Variants in LTBP1 observed in about 807,000 individuals in gnomAD.
LTBP1 encodes the protein latent-transforming growth factor beta-binding protein 1.
A neutral mutation model predicts 207.6 loss-of-function variants in LTBP1; 129 were observed. That is an observed-to-expected ratio of 0.62 (90% CI 0.54 to 0.72). The LOEUF (loss-of-function observed/expected upper bound fraction) is 0.72, where lower values mean the gene tolerates loss of function less well. LTBP1 is among the 30% of genes least tolerant of loss of function. The probability of loss-of-function intolerance (pLI) is 0.00; values close to 1 mark genes in which losing one functional copy is unlikely to be tolerated. For missense variants in LTBP1, 2,281 were observed against 2,217.2 expected (o/e 1.03, Z -0.58); for synonymous variants, 963 against 833.7 (o/e 1.16, Z -2.67).
At chr2:33,246,620 G>A (rs182701030) in intron 10 of LTBP1, among the ~76,000 whole-genome samples, 61 of 152,260 alleles carry the variant, frequency 4.0e-4, no homozygotes, top group Admixed American at 4.0e-3. Flanking sequence ...AGGACAGCAT[G>A]AATTTAGGCC....
chr2:33,266,524 C>T (rs551455937), intron 15 of LTBP1, among the ~76,000 whole-genome samples: 1 of 152,072 alleles, frequency 6.6e-6, no homozygotes, highest in East Asian at 1.9e-4. Context: ...AAGACTTCAT[C>T]GATAACAGTT....
intron 31 of LTBP1, among the ~76,000 whole-genome samples, chr2:33,383,335 A>AGAGC (rs1199149584): frequency 6.6e-6 from 1 of 152,230 alleles, no homozygotes; most frequent in Non-Finnish European, 1.5e-5. Flanking sequence ...CCTGGGTGAC[A>AGAGC]GAGCGAGACT....
At chr2:33,137,980 C>T (rs1441345787) in intron 5 of LTBP1, among the ~76,000 whole-genome samples, 1 of 152,186 alleles carries the variant, frequency 6.6e-6, no homozygotes, top group Non-Finnish European at 1.5e-5. Flanking sequence ...GAGAAAGCAA[C>T]TGAGAGTCCA....
chr2:33,246,966 A>G (rs1371141770), intron 10 of LTBP1, among the ~76,000 whole-genome samples: 1 of 152,156 alleles, frequency 6.6e-6, no homozygotes, highest in East Asian at 1.9e-4. Flanking sequence ...TTTCAGAGCA[A>G]ATTCAAGAAA....
intron 11 of LTBP1, among the ~76,000 whole-genome samples, chr2:33,254,284 G>A (rs1387823861): frequency 2.0e-5 from 3 of 151,950 alleles, no homozygotes; most frequent in Admixed American, 6.6e-5. Flanking sequence ...ATTATTTTGT[G>A]TCTGTATAAT....
chr2:33,225,267 T>A (rs2091368720), intron 9 of LTBP1, among the ~76,000 whole-genome samples: 1 of 152,232 alleles, frequency 6.6e-6, no homozygotes, highest in African/African-American at 2.4e-5. Flanking sequence ...ATTCAGTGTA[T>A]CTTCCTTCTA....
intron 2 of LTBP1, among the ~76,000 whole-genome samples, chr2:32,991,852 T>A (rs1465823476): frequency 6.6e-6 from 1 of 152,212 alleles, no homozygotes; most frequent in Non-Finnish European, 1.5e-5. Context: ...CACTCCCTCA[T>A]GACCAATCCT....
intron 19 of LTBP1, among the ~76,000 whole-genome samples, chr2:33,290,473 A>G (rs1258037800): frequency 6.6e-6 from 1 of 152,256 alleles, no homozygotes; most frequent in African/African-American, 2.4e-5. Context: ...GAAGGTTTTT[A>G]AAGTAGAGGA....
intron 2 of LTBP1, among the ~76,000 whole-genome samples, chr2:32,990,267 C>T (rs773800564): frequency 5.3e-5 from 8 of 152,218 alleles, no homozygotes; most frequent in Non-Finnish European, 1.2e-4. Flanking sequence ...TACTGGATAT[C>T]GTCATGGTCT....
At chr2:33,186,012 C>T (rs1032366571) in intron 5 of LTBP1, among the ~76,000 whole-genome samples, 5 of 152,196 alleles carry the variant, frequency 3.3e-5, no homozygotes, top group African/African-American at 1.2e-4. Flanking sequence ...AGAGTTATAA[C>T]TCCTCTTAAA....
rs1340416607 is a variant in LTBP1, at chr2:33,360,640, A to G, written c.4044A>G (p.Glu1348=). The change falls in exon 27 of 34, where the codon GAA becomes GAG. Residue 1348 remains glutamate, a synonymous_variant. Transcript: ENST00000404816. ...DVDQPKEEKK[E]CYYNLNDASL... is the part of the protein sequence containing the mutation. Reference sequence around the variant, plus strand: ...ATCAACCCAAAGAAGAAAAGAAAGAATGCTACTATAATCTCAATGACGCCA... The same window carrying G: ...ATCAACCCAAAGAAGAAAAGAAAGAGTGCTACTATAATCTCAATGACGCCA... The G allele has an allele frequency of 1.2e-6, 2 of 1,613,894 alleles. No individual in the cohort carries two copies. Among genetic ancestry groups the G allele is most frequent in the East Asian group, 2.2e-5 (1 of 44,882 alleles).
intron 3 of LTBP1, among the ~76,000 whole-genome samples, chr2:33,050,130 ATT>A (rs11318613): frequency 0.37 from 54,124 of 144,484 alleles, 11,358 homozygotes; most frequent in East Asian, 0.63. Flanking sequence ...AGGCGTAAGC[ATT>A]TTTTTTTTTT....
intron 5 of LTBP1, among the ~76,000 whole-genome samples, chr2:33,170,320 C>T (rs190130156): frequency 4.6e-5 from 7 of 152,216 alleles, no homozygotes; most frequent in East Asian, 1.9e-4. Context: ...GCTTTTCCGA[C>T]GGGCTTAAAA....
chr2:33,312,247 C>A (rs183364553), intron 23 of LTBP1, among the ~76,000 whole-genome samples: 187 of 152,228 alleles, frequency 1.2e-3, no homozygotes, highest in Non-Finnish European at 2.1e-3. Flanking sequence ...ATGCTAATAA[C>A]CATGGACATG....
intron 9 of LTBP1, among the ~76,000 whole-genome samples, chr2:33,242,021 T>C (rs993025960): frequency 3.3e-5 from 5 of 152,220 alleles, no homozygotes; most frequent in Admixed American, 1.3e-4. Flanking sequence ...TGGAACACCA[T>C]AGAATTTATA....
At chr2:33,308,123 A>G (rs1005390056) in intron 22 of LTBP1, among the ~76,000 whole-genome samples, 1 of 152,184 alleles carries the variant, frequency 6.6e-6, no homozygotes, top group African/African-American at 2.4e-5. Flanking sequence ...CTTCGTTGCT[A>G]ATAACTTAAA....
At chr2:33,255,310 A>G (rs189528375) in intron 11 of LTBP1, among the ~76,000 whole-genome samples, 3,163 of 152,180 alleles carry the variant, frequency 0.021, 46 homozygotes, top group Middle Eastern at 0.1. Context: ...TAGAATGGCA[A>G]TCATTAAAAA....
intron 28 of LTBP1, among the ~76,000 whole-genome samples, chr2:33,363,064 A>C (rs75345633): frequency 1.3e-5 from 2 of 152,206 alleles, no homozygotes; most frequent in East Asian, 3.8e-4. Context: ...TAAAAGGTAT[A>C]TATCCTTTTG....
At chr2:32,951,093 T>A (rs1347941173) in intron 2 of LTBP1, among the ~76,000 whole-genome samples, 1 of 152,122 alleles carries the variant, frequency 6.6e-6, no homozygotes, top group African/African-American at 2.4e-5. Context: ...CTAGAGGAAG[T>A]TGCTATGTTG....
Sources: allele counts gnomAD v4.1 joint callset (sites outside exome capture counted in the v4.1 genomes callset), GRCh38; gene constraint gnomAD v4.1.1; transcripts MANE v1.5; gene names NCBI Gene and HGNC (gene_info 2026-07-23, HGNC 2026-07-21).